RPS6KA6: variants seen among roughly 807,000 people sequenced by gnomAD.
RPS6KA6 encodes the protein ribosomal protein S6 kinase alpha-6.
Under a neutral mutation model 65.4 loss-of-function variants are expected in RPS6KA6, and 27 were observed. That is an observed-to-expected ratio of 0.41 (90% CI 0.30 to 0.57). The LOEUF is 0.57. RPS6KA6 is among the 20% of genes least tolerant of loss of function. The probability of loss-of-function intolerance (pLI) is 0.24; values close to 1 mark genes in which losing one functional copy is unlikely to be tolerated. For synonymous variants in RPS6KA6, 190 were observed against 184.2 expected (o/e 1.03, Z -0.26); for missense variants, 486 against 555.6 (o/e 0.87, Z 1.26).
chrX:84,105,885 T>C lies in RPS6KA6; in HGVS notation c.1366-9A>G. 6.8e-6 allele frequency: 7 copies of C among 1,025,521 alleles called. No homozygotes were observed. Among genetic ancestry groups the C allele is most frequent in the Non-Finnish European group, 6.7e-6 (5 of 742,001 alleles). The allele number at this position is 1,025,521 out of a possible 1,213,427, so 84.5% of individuals were successfully genotyped here. A position where few individuals can be genotyped will look rare whatever the true frequency, so the allele number is the denominator to read the frequency against. On this transcript the variant is annotated splice_polypyrimidine_tract_variant and intron_variant, in intron 15 of 21. Coordinates refer to ENST00000262752, the MANE Select transcript of RPS6KA6 (RefSeq NM_014496.5). ...TTACTTTTGTCAATGATCTAAGAAATACGAAAAAAGAAAAATATCTGAGGC... is the reference window on the plus strand; with the variant it reads ...TTACTTTTGTCAATGATCTAAGAAACACGAAAAAAGAAAAATATCTGAGGC...
At chrX:84,182,650 T>C (rs978766704) in intron 1 of RPS6KA6, among the ~76,000 whole-genome samples, 6 of 111,680 alleles carry the variant, frequency 5.4e-5, no homozygotes, top group East Asian at 2.8e-4. Flanking sequence ...TAGGGAAATA[T>C]AGAGGACCTG....
At chrX:84,088,229 T>C (rs1324340868) in intron 20 of RPS6KA6, among the ~76,000 whole-genome samples, 2 of 112,342 alleles carry the variant, frequency 1.8e-5, no homozygotes, top group East Asian at 5.6e-4. Context: ...CATTTTTGCA[T>C]TATTTCTCAT....
intron 17 of RPS6KA6, among the ~76,000 whole-genome samples, chrX:84,103,939 TG>T (rs1204811942): frequency 9.0e-6 from 1 of 110,970 alleles, no homozygotes; most frequent in Non-Finnish European, 1.9e-5. Context: ...CTCCCTACTT[TG>T]TTTTTTTATA....
chrX:84,149,837 C>A (rs2035267509), intron 3 of RPS6KA6, among the ~76,000 whole-genome samples: 1 of 111,751 alleles, frequency 8.9e-6, no homozygotes, highest in Non-Finnish European at 1.9e-5. Context: ...TCACTAGCTT[C>A]TATCAAGAGA....
chrX:84,137,738 T>C (rs895160302), intron 6 of RPS6KA6, among the ~76,000 whole-genome samples: 12 of 112,337 alleles, frequency 1.1e-4, no homozygotes, highest in African/African-American at 3.6e-4. Context: ...GTAGTCTTTC[T>C]ACTTTTTTGT....
rs1008704707 is a variant in RPS6KA6, at chrX:84,060,811, G to A, written c.*3466C>T. On this transcript the variant is annotated 3_prime_UTR_variant, in exon 22 of 22. Coordinates refer to ENST00000262752, the MANE Select transcript of RPS6KA6 (RefSeq NM_014496.5). ...TTTAAAATTATCACCTTGTTAGATT[G>A]CCTGAAGATCCAGCAACTAAAAACT... 2 of 111,974 alleles carry A rather than the reference G, an allele frequency of 1.8e-5. No individual in the cohort carries two copies. The highest frequency in any genetic ancestry group is 3.2e-5 in the African/African-American group (1 of 30,810). The allele number at this position is 111,974 out of a possible 1,213,427, so 9.2% of individuals were successfully genotyped here. A position where few individuals can be genotyped will look rare whatever the true frequency, so the allele number is the denominator to read the frequency against.
chrX:84,147,846 A>G (rs2147552304), intron 4 of RPS6KA6, among the ~76,000 whole-genome samples, 196 bp downstream of exon 4: 1 of 111,770 alleles, frequency 8.9e-6, no homozygotes, highest in South Asian at 3.7e-4. Context: ...TCAAATTTTT[A>G]CGGGGGTGCA....
chrX:84,188,008 GCGACCC>G lies in RPS6KA6; in HGVS notation c.-115_-110del. 1 of 459,099 alleles carries G rather than the reference GCGACCC, an allele frequency of 2.2e-6. No individual in the cohort carries two copies. Among genetic ancestry groups the G allele is most frequent in the Non-Finnish European group, 2.8e-6 (1 of 351,532 alleles). The allele number at this position is 459,099 out of a possible 1,213,427, so 37.8% of individuals were successfully genotyped here. A position where few individuals can be genotyped will look rare whatever the true frequency, so the allele number is the denominator to read the frequency against. On this transcript the variant is annotated 5_prime_UTR_variant, in exon 1 of 22. Transcript: ENST00000262752. ...CGCCGCCGCCGCCGCCGCCGCCGCCGCGACCCCCAGCCCCGCCTTCAGCGAGCGCTG... is the reference window on the plus strand; with the variant it reads ...CGCCGCCGCCGCCGCCGCCGCCGCCGCCAGCCCCGCCTTCAGCGAGCGCTG...
intron 12 of RPS6KA6, among the ~76,000 whole-genome samples, chrX:84,115,915 C>T (rs368809257): frequency 9.0e-6 from 1 of 110,678 alleles, no homozygotes; most frequent in East Asian, 2.9e-4. Context: ...CATGGACATA[C>T]AGATGGAAAT....
intron 20 of RPS6KA6, among the ~76,000 whole-genome samples, chrX:84,085,059 T>C (rs1407110211): frequency 8.9e-6 from 1 of 111,995 alleles, no homozygotes. Context: ...TGATTTTGTA[T>C]CCTGAGATTT....
chrX:84,102,285 A>G (rs1231302370), intron 17 of RPS6KA6, 87 bp from the exon 18 acceptor site: 5 of 516,041 alleles, frequency 9.7e-6, no homozygotes, highest in Non-Finnish European at 1.4e-5. Context: ...AATTAACTAA[A>G]TATCTGAGAA....
Position 84,145,473 on chromosome X carries a change from C to G in RPS6KA6, c.501+5G>C. ...AAAATACAGTAAAAATGTACAGATA[C>G]TTACCTCTTTGGATAATCTTGTGAA... On this transcript the variant is annotated splice_donor_5th_base_variant and intron_variant, in intron 6 of 21. Transcript: ENST00000262752. 1 of 1,091,118 alleles carries G rather than the reference C, an allele frequency of 9.2e-7. No homozygotes were observed. The highest frequency in any genetic ancestry group is 1.2e-6 in the Non-Finnish European group (1 of 805,953). 89.9% of individuals were successfully genotyped at this position (1,091,118 alleles called of 1,213,427 possible).
At chrX:84,088,636 G>C (rs972235243) in intron 20 of RPS6KA6, among the ~76,000 whole-genome samples, 5 of 112,148 alleles carry the variant, frequency 4.5e-5, no homozygotes, top group Admixed American at 9.4e-5. Context: ...AAACAGTCTG[G>C]CTGCTTTTTG....
chrX:84,117,068 T>C lies in RPS6KA6; in HGVS notation c.941A>G (p.Asn314Ser), dbSNP rs1330128335. 8.6e-7 allele frequency: 1 copy of C among 1,158,043 alleles called. No individual in the cohort carries two copies. Among genetic ancestry groups the C allele is most frequent in the Admixed American group, 2.4e-5 (1 of 42,279 alleles). ...AAGAAAATAAGCAATACCCAATCTA[T>C]TTGCTGGATTCCTTTTGAATAACAT... is the stretch of plus-strand genomic sequence containing the variant. Reference protein sequence around the residue: ...LRMLFKRNPANRLGSEGVEEI... With the variant: ...LRMLFKRNPASRLGSEGVEEI... The change falls in exon 11 of 22, where the codon AAT becomes AGT. Residue 314 changes from asparagine (N) to serine (S), a missense_variant. Coordinates refer to ENST00000262752, the MANE Select transcript of RPS6KA6 (RefSeq NM_014496.5).
At chrX:84,151,610 C>T (rs1162457392) in intron 3 of RPS6KA6, among the ~76,000 whole-genome samples, 1 of 111,189 alleles carries the variant, frequency 9.0e-6, no homozygotes, top group East Asian at 2.8e-4. Context: ...CAGCTCACAA[C>T]TCAAAAAATT....
intron 4 of RPS6KA6, among the ~76,000 whole-genome samples, chrX:84,147,759 GA>G (rs1273748668): frequency 8.9e-6 from 1 of 111,978 alleles, no homozygotes; most frequent in African/African-American, 3.3e-5. Flanking sequence ...GAAAAACCAA[GA>G]ATCTTGAAAG....
At chrX:84,161,159 T>C (rs1373694407) in intron 2 of RPS6KA6, among the ~76,000 whole-genome samples, 2 of 111,616 alleles carry the variant, frequency 1.8e-5, no homozygotes, top group South Asian at 3.8e-4. Context: ...CTTATGACAG[T>C]GTTGTCCCCA....
chrX:84,073,442 G>A (rs924693406), intron 20 of RPS6KA6, among the ~76,000 whole-genome samples: 1 of 111,631 alleles, frequency 9.0e-6, no homozygotes, highest in African/African-American at 3.3e-5. Flanking sequence ...AAACATGGGG[G>A]AAATGCTTCA....
chrX:84,160,929 A>C (rs1228752600), intron 2 of RPS6KA6, among the ~76,000 whole-genome samples: 1 of 111,437 alleles, frequency 9.0e-6, no homozygotes, highest in Non-Finnish European at 1.9e-5. Context: ...AAAAGTCTGC[A>C]TTATGACTGA....
Sources: gnomAD v4.1 joint callset for allele counts (sites outside exome capture counted in the v4.1 genomes callset) on GRCh38, gnomAD v4.1.1 for gene constraint, MANE v1.5 for transcripts, NCBI Gene and HGNC (gene_info 2026-07-23, HGNC 2026-07-21) for gene names.